Variants in SCAP observed in about 807,000 individuals in gnomAD.
SCAP encodes SREBF chaperone.
In SCAP, 65 loss-of-function variants were observed where a neutral mutation model predicts 123.6. The ratio of observed to expected loss-of-function variants is 0.53; its 90% confidence interval spans 0.43 to 0.65. The LOEUF (loss-of-function observed/expected upper bound fraction) is 0.65. Among genes scored for constraint, SCAP ranks in the 30% least tolerant of loss-of-function variants. SCAP has a pLI of 0.00. For synonymous variants in SCAP, 740 were observed against 726.3 expected (o/e 1.02, Z -0.30); for missense variants, 1,398 against 1,712.5 (o/e 0.82, Z 3.24).
intron 1 of SCAP, among the ~76,000 whole-genome samples, chr3:47,449,288 A>C (rs1707164530): frequency 8.0e-6 from 1 of 124,354 alleles, no homozygotes; most frequent in Non-Finnish European, 1.8e-5. Context: ...AATCTTCCTA[A>C]CACTTTCCAG....
chr3:47,455,062 CATATATAT>C (rs58460988), intron 1 of SCAP, among the ~76,000 whole-genome samples: 2,541 of 127,946 alleles, frequency 0.02, 41 homozygotes, highest in South Asian at 0.06. Flanking sequence ...AAAAAAATTA[CATATATAT>C]ATATATATAT....
chr3:47,476,034 A>ATTCG (rs1409566925), upstream of SCAP: 2 of 151,854 alleles, frequency 1.3e-5, no homozygotes, highest in Non-Finnish European at 2.9e-5. Context: ...GTCGAACCAC[A>ATTCG]TTCGCGTCTC....
In SCAP at chr3:47,416,098, C is replaced by T. The variant is rs754498; in HGVS notation, c.3057-918G>A. ...AATCAACATCACTAAGGGCAAGGGA[C>T]GCCCCCTCCCCAAGGAAAAAGACTC... On this transcript the variant is annotated intron_variant, in intron 18 of 22. Transcript: ENST00000265565. Among the ~76,000 whole-genome samples, 1,220 of 152,318 alleles carry T rather than the reference C, an allele frequency of 8.0e-3. 12 individuals are homozygous for T. Among genetic ancestry groups the T allele is most frequent in the African/African-American group, 0.028 (1,160 of 41,568 alleles).
Position 47,419,266 on chromosome 3 carries a change from G to A in SCAP, c.1940+62C>T. 3 of 1,548,042 alleles carry A rather than the reference G, an allele frequency of 1.9e-6. No homozygotes were observed. The highest frequency in any genetic ancestry group is 2.5e-5 in the South Asian group (2 of 80,934). On this transcript the variant is annotated intron_variant, in intron 13 of 22. Transcript: ENST00000265565. The surrounding 1 kb of genome is among the most constrained non-coding windows in gnomAD (Gnocchi z 5.0). ...TCAAACCTGTGGGCCTCCTGCATTGGGGAAAGGGGATGGTGAGTTGACACC... is the reference window on the plus strand; with the variant it reads ...TCAAACCTGTGGGCCTCCTGCATTGAGGAAAGGGGATGGTGAGTTGACACC...
chr3:47,420,662 G>A lies in SCAP; in HGVS notation c.1455C>T (p.Pro485=). The change falls in exon 12 of 23, where the codon CCC becomes CCT. Residue 485 remains proline (P), a synonymous_variant. Transcript: ENST00000265565. The surrounding 1 kb of genome is among the most constrained non-coding windows in gnomAD (Gnocchi z 5.0). ...ERQLAVRPST[P]HTITLQPSSF... Reference sequence around the variant, plus strand: ...AAGACGGCTGCAACGTGATGGTGTGGGGTGTGGACGGCCTCACAGCCAGCT... The same window carrying A: ...AAGACGGCTGCAACGTGATGGTGTGAGGTGTGGACGGCCTCACAGCCAGCT... 6.2e-7 allele frequency: 1 copy of A among 1,611,972 alleles called. No individual in the cohort carries two copies. Among genetic ancestry groups the A allele is most frequent in the Non-Finnish European group, 8.5e-7 (1 of 1,179,946 alleles).
At chr3:47,473,929 T>C (rs994286252) in intron 1 of SCAP, among the ~76,000 whole-genome samples, 1 of 152,074 alleles carries the variant, frequency 6.6e-6, no homozygotes, top group African/African-American at 2.4e-5. Flanking sequence ...TCCACGGAGA[T>C]CTCTAGAGAG....
chr3:47,468,326 A>G (rs1309945690), intron 1 of SCAP, among the ~76,000 whole-genome samples: 1 of 152,218 alleles, frequency 6.6e-6, no homozygotes. Context: ...ACTAGTTTAC[A>G]GTCCCACCAA....
chr3:47,465,181 C>CCT (rs1553650812), intron 1 of SCAP, among the ~76,000 whole-genome samples: 1 of 141,588 alleles, frequency 7.1e-6, no homozygotes, highest in Non-Finnish European at 1.5e-5. Context: ...TTTTTTTTTT[C>CCT]TTTTTTTTAG....
At chr3:47,460,802 C>T (rs983498134) in intron 1 of SCAP, among the ~76,000 whole-genome samples, 1 of 152,150 alleles carries the variant, frequency 6.6e-6, no homozygotes, top group Admixed American at 6.6e-5. Flanking sequence ...GTGATCCACC[C>T]GCCTCGACCT....
intron 1 of SCAP, among the ~76,000 whole-genome samples, chr3:47,464,236 G>A (rs1410190399): frequency 2.0e-5 from 3 of 151,924 alleles, no homozygotes; most frequent in Non-Finnish European, 4.4e-5. Flanking sequence ...GGCTGGTCTT[G>A]AACTCCTGAT....
At position 47,419,301 on chromosome 3, in the gene SCAP, G is replaced by A. The variant is rs772533599; in HGVS notation, c.1940+27C>T. On this transcript the variant is annotated intron_variant, in intron 13 of 22. Coordinates refer to ENST00000265565, the MANE Select transcript of SCAP (RefSeq NM_012235.4). This position sits in a 1 kb window ranked among gnomAD's most constrained non-coding sequence, Gnocchi z 5.0. ...ATGGTGAGTTGACACCATCGAGTGA[G>A]GTGGCACCTGGCACGGCCCAGCTCA... 6.3e-7 allele frequency: 1 copy of A among 1,585,522 alleles called. No individual in the cohort carries two copies. The highest frequency in any genetic ancestry group is 8.6e-7 in the Non-Finnish European group (1 of 1,162,948).
intron 3 of SCAP, among the ~76,000 whole-genome samples, chr3:47,433,328 C>T (rs1336352141): frequency 6.6e-6 from 1 of 152,152 alleles, no homozygotes; most frequent in African/African-American, 2.4e-5. Flanking sequence ...CCATCTCCTT[C>T]TCAATCCTGC....
Position 47,418,380 on chromosome 3 carries a change from AGTC to A in SCAP, c.2269_2271del (p.Asp757del), listed in dbSNP as rs1705732408. ...TCCGTCTCGGGTGGCGCATAGCCGT[AGTC>A]GTCGCAGGGCAGCTCCCCGCGCCTC... On this transcript the variant is annotated inframe_deletion, in exon 15 of 23. Transcript: ENST00000265565. The A allele has an allele frequency of 5.7e-6, 9 of 1,573,868 alleles. No individual in the cohort carries two copies. The highest frequency in any genetic ancestry group is 7.7e-6 in the Non-Finnish European group (9 of 1,163,064).
At position 47,418,893 on chromosome 3, in the gene SCAP, T is replaced by C; in HGVS notation, c.1941-50A>G. On this transcript the variant is annotated intron_variant, in intron 13 of 22. Transcript: ENST00000265565. ...CAGCGGGGGGCCTCCCAGGGCTTCCTCCTGCTGTGCTCGCCAGCCAGTCCT... is the reference window on the plus strand; with the variant it reads ...CAGCGGGGGGCCTCCCAGGGCTTCCCCCTGCTGTGCTCGCCAGCCAGTCCT... 4 of 1,455,030 alleles carry C rather than the reference T, an allele frequency of 2.7e-6. No individual in the cohort carries two copies. In the South Asian group the frequency reaches 5.8e-5, roughly 21 times the overall value. 90.1% of individuals were successfully genotyped at this position (1,455,030 alleles called of 1,614,324 possible). A position where few individuals can be genotyped will look rare whatever the true frequency, so the allele number is the denominator to read the frequency against.
intron 9 of SCAP, 174 bp from the exon 10 acceptor site, chr3:47,422,710 A>C: frequency 1.8e-6 from 1 of 543,974 alleles, no homozygotes; most frequent in Admixed American, 3.2e-5. Context: ...CCAGACTTTA[A>C]GGGGCCATCA....
upstream of SCAP, among the ~76,000 whole-genome samples, chr3:47,476,549 T>C (rs1708276891): frequency 6.6e-6 from 1 of 152,182 alleles, no homozygotes. Flanking sequence ...AGTTTCCCTA[T>C]AGACATTTAA....
At chr3:47,422,071 C>T (rs1318744879) in intron 10 of SCAP, among the ~76,000 whole-genome samples, 2 of 152,276 alleles carry the variant, frequency 1.3e-5, no homozygotes, top group African/African-American at 4.8e-5. Context: ...GCTTCTCCCT[C>T]AAAAATGGGA....
chr3:47,471,388 G>A (rs937022528), intron 1 of SCAP, among the ~76,000 whole-genome samples: 1 of 152,110 alleles, frequency 6.6e-6, no homozygotes, highest in Non-Finnish European at 1.5e-5. Flanking sequence ...CAATCTAGAC[G>A]ATTAAAACAC....
chr3:47,421,385 C>G (rs1031667040), intron 10 of SCAP: 16 of 253,700 alleles, frequency 6.3e-5, no homozygotes, highest in African/African-American at 3.5e-4. Flanking sequence ...ACTGAGCCCC[C>G]GCCCTGCTCA....
Sources: allele counts gnomAD v4.1 joint callset (sites outside exome capture counted in the v4.1 genomes callset), GRCh38; gene constraint gnomAD v4.1.1; non-coding constraint Gnocchi (gnomAD v3.1); transcripts MANE v1.5; gene names NCBI Gene and HGNC (gene_info 2026-07-23, HGNC 2026-07-21).